CDK14: variants seen among roughly 807,000 people sequenced by gnomAD.
The protein encoded by CDK14 is cyclin dependent kinase 14.
CDK14 carries 34 observed loss-of-function variants against 60.7 expected under a neutral mutation model. The ratio of observed to expected loss-of-function variants is 0.56; its 90% confidence interval spans 0.43 to 0.75. The LOEUF is 0.75. Among genes scored for constraint, CDK14 ranks in the 30% least tolerant of loss-of-function variants. The pLI is 0.00. For missense variants in CDK14, 482 were observed against 564.1 expected (o/e 0.85, Z 1.47); for synonymous variants, 197 against 203.7 (o/e 0.97, Z 0.28).
intron 5 of CDK14, among the ~76,000 whole-genome samples, chr7:90,840,113 C>G (rs11973442): frequency 0.022 from 3,402 of 152,276 alleles, 116 homozygotes; most frequent in African/African-American, 0.077. Flanking sequence ...GTCCTATTAC[C>G]TTGTCACTGT....
At chr7:90,860,421 GT>G (rs1421758624) in intron 5 of CDK14, among the ~76,000 whole-genome samples, 2 of 151,678 alleles carry the variant, frequency 1.3e-5, no homozygotes, top group African/African-American at 4.8e-5. Context: ...GCCCAGTCAC[GT>G]CTTTTGTGGT....
intron 9 of CDK14, among the ~76,000 whole-genome samples, chr7:90,960,152 T>C (rs2117585578): frequency 6.6e-6 from 1 of 152,130 alleles, no homozygotes; most frequent in South Asian, 2.1e-4. Context: ...TATTCCTCTA[T>C]AGAGGAATAT....
intron 2 of CDK14, among the ~76,000 whole-genome samples, chr7:90,717,244 T>G (rs905203077): frequency 1.3e-5 from 2 of 152,080 alleles, no homozygotes; most frequent in African/African-American, 4.8e-5. Flanking sequence ...TAAACAAAAC[T>G]GTATCTCATC....
At chr7:91,198,143 C>G (rs1403870079) in intron 14 of CDK14, among the ~76,000 whole-genome samples, 3 of 152,174 alleles carry the variant, frequency 2.0e-5, no homozygotes, top group Non-Finnish European at 2.9e-5. Context: ...TGTGTCACTT[C>G]ATGTCACTGT....
chr7:90,701,422 A>T (rs1801784285), intron 2 of CDK14, among the ~76,000 whole-genome samples: 1 of 152,210 alleles, frequency 6.6e-6, no homozygotes, highest in Non-Finnish European at 1.5e-5. Flanking sequence ...AAGAATAAAA[A>T]TGTTAATATA....
Position 91,152,880 on chromosome 7 carries a change from A to T in CDK14, c.*28+34672A>T, listed in dbSNP as rs1800864560. 3.9e-5 allele frequency among the ~76,000 whole-genome samples: 6 copies of T among 152,246 alleles called. No homozygotes were observed. The South Asian group carries it at 1.2e-3, about 31-fold the overall frequency. ...CCTATGGTAAGAATGATCTTATATA[A>T]TAACTATATGCCCCACAGGTTGAGT... On this transcript the variant is annotated intron_variant, in intron 14 of 14. Coordinates refer to ENST00000380050, the MANE Select transcript of CDK14 (RefSeq NM_001287135.2).
intron 10 of CDK14, among the ~76,000 whole-genome samples, chr7:91,029,624 T>TCCTCTCCTCTCTCC (rs1796699172): frequency 7.5e-6 from 1 of 132,614 alleles, no homozygotes; most frequent in African/African-American, 2.9e-5. Context: ...CTCCCCACTC[T>TCCTCTCCTCTCTCC]CCTCTCCCCT....
chr7:91,126,657 C>T (rs970446761), intron 14 of CDK14, among the ~76,000 whole-genome samples: 1 of 151,980 alleles, frequency 6.6e-6, no homozygotes, highest in Non-Finnish European at 1.5e-5. Flanking sequence ...GTGTAGCTCT[C>T]AAAATGATCT....
At chr7:91,144,201 T>C (rs1800552268) in intron 14 of CDK14, among the ~76,000 whole-genome samples, 1 of 152,202 alleles carries the variant, frequency 6.6e-6, no homozygotes, top group Non-Finnish European at 1.5e-5. Context: ...ATTTCACTGT[T>C]ACTGAGAAGC....
intron 6 of CDK14, among the ~76,000 whole-genome samples, chr7:90,888,248 G>A (rs1792013454): frequency 6.6e-6 from 1 of 152,036 alleles, no homozygotes; most frequent in Admixed American, 6.5e-5. Flanking sequence ...TACTCGAGAG[G>A]CTGAGGCAGG....
At chr7:90,681,579 T>C (rs1299372162) in intron 2 of CDK14, among the ~76,000 whole-genome samples, 1 of 152,206 alleles carries the variant, frequency 6.6e-6, no homozygotes, top group Non-Finnish European at 1.5e-5. Flanking sequence ...TGTACTTGTG[T>C]TTGTAATAAT....
At chr7:91,033,055 A>G (rs757697500) in intron 10 of CDK14, among the ~76,000 whole-genome samples, 7 of 152,228 alleles carry the variant, frequency 4.6e-5, no homozygotes, top group African/African-American at 1.2e-4. Context: ...GGGCATGCCT[A>G]TGTATCATTT....
intron 6 of CDK14, among the ~76,000 whole-genome samples, chr7:90,879,745 A>AT (rs1193104698): frequency 6.6e-6 from 1 of 152,040 alleles, no homozygotes; most frequent in Non-Finnish European, 1.5e-5. Context: ...AAGTATAATG[A>AT]TAAAAAATAA....
rs138798243 is a variant in CDK14 at position 91,021,205 on chromosome 7, T to C, written c.1042-24692T>C. Among the ~76,000 whole-genome samples, 642 of 152,266 alleles carry C rather than the reference T, an allele frequency of 4.2e-3. 3 individuals carry two copies. Among genetic ancestry groups the C allele is most frequent in the African/African-American group, 0.015 (625 of 41,560 alleles). ...CTATCAACTAGAAGCAACATCACAG[T>C]TTCTGCCTGCATTCAGTGGGAGGGG... On this transcript the variant is annotated intron_variant, in intron 10 of 14. Coordinates refer to ENST00000380050, the MANE Select transcript of CDK14 (RefSeq NM_001287135.2).
chr7:90,846,391 TAAG>T (rs1790470387), intron 5 of CDK14, among the ~76,000 whole-genome samples: 1 of 152,168 alleles, frequency 6.6e-6, no homozygotes, highest in Admixed American at 6.5e-5. Flanking sequence ...CTCACCCACT[TAAG>T]AGGAGTAGTT....
intron 14 of CDK14, among the ~76,000 whole-genome samples, chr7:91,180,610 CTGT>C (rs566576443): frequency 1.3e-5 from 2 of 152,246 alleles, no homozygotes; most frequent in South Asian, 2.1e-4. Flanking sequence ...CAGGAAAAAG[CTGT>C]TGTTGTTATT....
chr7:90,815,981 C>G (rs1039654688), intron 5 of CDK14, among the ~76,000 whole-genome samples: 1 of 152,020 alleles, frequency 6.6e-6, no homozygotes, highest in Non-Finnish European at 1.5e-5. Flanking sequence ...GGGCTTAAGA[C>G]CTAGAAGATG....
intron 5 of CDK14, among the ~76,000 whole-genome samples, chr7:90,853,239 T>C (rs116732391): frequency 1.8e-4 from 28 of 152,306 alleles, no homozygotes; most frequent in African/African-American, 6.7e-4. Context: ...AAAAACTTTG[T>C]TGGCTGACAT....
At position 90,851,051 on chromosome 7, in the gene CDK14, T is replaced by C. The variant is rs374381434; in HGVS notation, c.545-12124T>C. On this transcript the variant is annotated intron_variant, in intron 5 of 14. Coordinates refer to ENST00000380050, the MANE Select transcript of CDK14 (RefSeq NM_001287135.2). ...GAAACCATGACCACAGCAAAAAAAC[T>C]AGGAATGGATGCAAGAAAACTAAGA... Among the ~76,000 whole-genome samples, 8 of 152,168 alleles carry C rather than the reference T, an allele frequency of 5.3e-5. No homozygotes were observed. The South Asian group carries it at 1.5e-3, about 28-fold the overall frequency.
Sources: allele counts gnomAD v4.1 joint callset (sites outside exome capture counted in the v4.1 genomes callset), GRCh38; gene constraint gnomAD v4.1.1; transcripts MANE v1.5; gene names NCBI Gene and HGNC (gene_info 2026-07-23, HGNC 2026-07-21).